The following PPFIA4 variants were observed in gnomAD, a reference collection of about 807,000 sequenced individuals.
The protein encoded by PPFIA4 is PPFI scaffold protein A4, also known as liprin-alpha-4.
PPFIA4 carries 98 observed loss-of-function variants against 145.7 expected under a neutral mutation model. The observed-to-expected ratio is 0.67, with a 90% confidence interval of 0.57 to 0.80. The LOEUF is 0.80. Ranked by LOEUF, PPFIA4 falls within the 30% of genes least tolerant of loss-of-function variation. PPFIA4 has a pLI of 0.00. For synonymous variants in PPFIA4, 628 were observed against 649.6 expected, an observed-to-expected ratio of 0.97 and a Z score of 0.51; for missense variants, 1,457 against 1,632.7, an observed-to-expected ratio of 0.89 and a Z score of 1.85.
At chr1:203,062,479 C>CA (rs34987795) in intron 24 of PPFIA4, among the ~76,000 whole-genome samples, 3,387 of 35,382 alleles carry the variant, frequency 0.096, 672 homozygotes, top group Non-Finnish European at 0.14. Flanking sequence ...GACTCCGTCT[C>CA]AAAAAAAAAA....
In PPFIA4 at chr1:203,048,758, G is replaced by T; in HGVS notation, c.1356+44G>T. 1 of 1,590,530 alleles carries T rather than the reference G, an allele frequency of 6.3e-7. No individual in the cohort carries two copies. The highest frequency in any genetic ancestry group is 8.6e-7 in the Non-Finnish European group (1 of 1,168,312). On this transcript the variant is annotated intron_variant, in intron 11 of 29. Coordinates refer to ENST00000295706, the MANE Select transcript of PPFIA4 (RefSeq NM_001304331.2). The surrounding 1 kb of genome is among the most constrained non-coding windows in gnomAD (Gnocchi z 5.8). ...TTGGGATGCGAGAGGTTAGTGCTGG[G>T]TGTGGGGCGGGGGGAGGCGGGACTG...
intron 1 of PPFIA4, among the ~76,000 whole-genome samples, chr1:203,035,051 G>A (rs1018441156): frequency 6.6e-6 from 1 of 152,212 alleles, no homozygotes; most frequent in African/African-American, 2.4e-5. Context: ...TGGGCACATG[G>A]TAAATGTGAG....
Position 203,055,589 on chromosome 1 carries a change from C to T in PPFIA4, c.1987C>T (p.Pro663Ser). ...GGCCCTGTCCCTGGCCAGCGCGTCCCCACCACTCAGCGGCCGCTCCACACC... is the reference window on the plus strand; with the variant it reads ...GGCCCTGTCCCTGGCCAGCGCGTCCTCACCACTCAGCGGCCGCTCCACACC... ...LTALSLASASPPLSGRSTPKL... is the reference protein window; with the variant it reads ...LTALSLASASSPLSGRSTPKL... The change falls in exon 16 of 30, where the codon CCA (proline) becomes TCA (serine). Residue 663 changes from proline to serine, a missense_variant. Around this residue, in one of 3 missense-constraint regions of PPFIA4, gnomAD observed 848 missense variants for 1,046.7 expected, o/e 0.81. Transcript: ENST00000295706. This position sits in a 1 kb window ranked among gnomAD's most constrained non-coding sequence, Gnocchi z 4.8. 2 of 1,614,034 alleles carry T rather than the reference C, an allele frequency of 1.2e-6. No homozygotes were observed. Among genetic ancestry groups the T allele is most frequent in the Non-Finnish European group, 1.7e-6 (2 of 1,179,890 alleles).
intron 1 of PPFIA4, among the ~76,000 whole-genome samples, chr1:203,030,926 T>G (rs1658780768): frequency 1.3e-5 from 2 of 152,234 alleles, no homozygotes; most frequent in African/African-American, 4.8e-5. Context: ...AGATCCCTGA[T>G]GTACTTATGA....
At chr1:203,057,875 C>A (rs1318557968) in intron 19 of PPFIA4, among the ~76,000 whole-genome samples, 1 of 151,784 alleles carries the variant, frequency 6.6e-6, no homozygotes, top group African/African-American at 2.4e-5. Flanking sequence ...AGGGAGACAT[C>A]TGTGTGTGGA....
At chr1:203,057,025 CCTT>C in intron 19 of PPFIA4, 75 bp downstream of exon 19, 1 of 1,580,770 alleles carries the variant, frequency 6.3e-7, no homozygotes, top group Non-Finnish European at 8.6e-7. Context: ...CTTGGACTGG[CCTT>C]CTCTGCCTGC....
rs1329093073 is a variant in PPFIA4 at position 203,045,407 on chromosome 1, G to A, written c.706G>A (p.Glu236Lys). The A allele has an allele frequency of 6.2e-7, 1 of 1,608,524 alleles. No individual in the cohort carries two copies. Among genetic ancestry groups the A allele is most frequent in the Non-Finnish European group, 8.5e-7 (1 of 1,178,192 alleles). Residue 236 changes from glutamate to lysine, a missense_variant, in exon 7 of 30, where the codon GAG (glutamate) becomes AAG (lysine). By Grantham distance (56) the Glu-to-Lys change is moderately conservative. Coordinates refer to ENST00000295706, the MANE Select transcript of PPFIA4 (RefSeq NM_001304331.2). Reference protein sequence around the residue: ...GRVEELQELLEKQNFELSQAR... With the variant: ...GRVEELQELLKKQNFELSQAR... Reference sequence around the variant, plus strand: ...GGTAGAGGAGCTGCAGGAGCTCCTGGAGAAGCAGAACTTTGAGTTGAGCCA... The same window carrying A: ...GGTAGAGGAGCTGCAGGAGCTCCTGAAGAAGCAGAACTTTGAGTTGAGCCA...
chr1:203,042,289 G>C (rs150900649), intron 2 of PPFIA4, among the ~76,000 whole-genome samples: 1 of 152,178 alleles, frequency 6.6e-6, no homozygotes, highest in African/African-American at 2.4e-5. Context: ...TTGTCCTGAT[G>C]GGGGAGGGTG....
At chr1:203,029,727 C>G (rs1658682212) in intron 1 of PPFIA4, among the ~76,000 whole-genome samples, 1 of 152,178 alleles carries the variant, frequency 6.6e-6, no homozygotes. Context: ...GTGTTACATC[C>G]CTTTGGGGGC....
chr1:203,060,525 C>T lies in PPFIA4; in HGVS notation c.2784+108C>T, dbSNP rs1661288445. On this transcript the variant is annotated intron_variant, in intron 22 of 29. Transcript: ENST00000295706. This position sits in a 1 kb window ranked among gnomAD's most constrained non-coding sequence, Gnocchi z 4.8. ...ATGGCAGCATTGAGCCCTGCCCCTTCCTTCCCATCCTCACAAAGGGCTCTC... is the reference window on the plus strand; with the variant it reads ...ATGGCAGCATTGAGCCCTGCCCCTTTCTTCCCATCCTCACAAAGGGCTCTC... 16 of 1,130,924 alleles carry T rather than the reference C, an allele frequency of 1.4e-5. No individual in the cohort carries two copies. The highest frequency in any genetic ancestry group is 2.1e-5 in the Non-Finnish European group (16 of 777,194). The allele number at this position is 1,130,924 out of a possible 1,614,324, so 70.1% of individuals were successfully genotyped here.
At chr1:203,064,035 C>T (rs747594002) in intron 25 of PPFIA4, 32 bp downstream of exon 25, 1 of 1,596,872 alleles carries the variant, frequency 6.3e-7, no homozygotes, top group Non-Finnish European at 8.5e-7. Context: ...GGCCACCTCC[C>T]TCGTGGGGGC....
At position 203,038,972 on chromosome 1, in the gene PPFIA4, G is replaced by A; in HGVS notation, c.-37G>A. On this transcript the variant is annotated 5_prime_UTR_variant, in exon 2 of 30. Transcript: ENST00000295706. ...GTGCCAACCCTGTGAGTCCCTCCCT[G>A]TCCCCTGACGCTGAGAAGGCCCTGC... is the stretch of plus-strand genomic sequence containing the variant. 8.4e-7 allele frequency: 1 copy of A among 1,189,274 alleles called. No individual in the cohort carries two copies. The highest frequency in any genetic ancestry group is 1.2e-6 in the Non-Finnish European group (1 of 842,450). 73.7% of individuals were successfully genotyped at this position (1,189,274 alleles called of 1,614,324 possible). A position where few individuals can be genotyped will look rare whatever the true frequency, so the allele number is the denominator to read the frequency against.
rs189715380 is a variant in PPFIA4, at chr1:203,032,366, T to C, written c.-400+5737T>C. 5.0e-3 allele frequency among the ~76,000 whole-genome samples: 752 copies of C among 151,832 alleles called. 8 individuals carry two copies. Among genetic ancestry groups the C allele is most frequent in the African/African-American group, 0.018 (731 of 41,434 alleles). Reference sequence around the variant, plus strand: ...GGTGTGATGTCTATAATTTTGGGTATTTCAGAAGAGGAACTATTTGCGGAT... The same window carrying C: ...GGTGTGATGTCTATAATTTTGGGTACTTCAGAAGAGGAACTATTTGCGGAT... On this transcript the variant is annotated intron_variant, in intron 1 of 29. Transcript: ENST00000295706.
At chr1:203,035,103 C>A (rs1659131531) in intron 1 of PPFIA4, 2 of 350,182 alleles carry the variant, frequency 5.7e-6, no homozygotes, top group Non-Finnish European at 1.1e-5. Flanking sequence ...TTCTGGAAGA[C>A]CCCCGCCCTC....
intron 24 of PPFIA4, chr1:203,063,497 T>C (rs1382098920): frequency 1.5e-5 from 4 of 270,886 alleles, no homozygotes; most frequent in Non-Finnish European, 2.8e-5. Flanking sequence ...AAGGCACGTC[T>C]GCTGCACAAT....
chr1:203,059,308 C>T lies in PPFIA4; in HGVS notation c.2501+37C>T, dbSNP rs1331264521. On this transcript the variant is annotated intron_variant, in intron 20 of 29. Coordinates refer to ENST00000295706, the MANE Select transcript of PPFIA4 (RefSeq NM_001304331.2). ...AGGCCAGGGTCTGCCAGGGTGGGGC[C>T]CAGCCCCCTACCCACTTCCCTTCCC... 2.1e-6 allele frequency: 3 copies of T among 1,438,694 alleles called. No individual in the cohort carries two copies. In the South Asian group the frequency reaches 3.7e-5, roughly 18 times the overall value. 89.1% of individuals were successfully genotyped at this position (1,438,694 alleles called of 1,614,324 possible).
Position 203,043,576 on chromosome 1 carries a change from C to A in PPFIA4, c.336+78C>A. The A allele has an allele frequency of 7.4e-7, 1 of 1,351,312 alleles. No homozygotes were observed. Among genetic ancestry groups the A allele is most frequent in the Non-Finnish European group, 1.0e-6 (1 of 967,976 alleles). The allele number at this position is 1,351,312 out of a possible 1,614,324, so 83.7% of individuals were successfully genotyped here. The stretch of plus-strand genomic sequence containing the variant: ...TGGGGGTGTGTTGTGAACACCTTGA[C>A]CAAGAGAGCAGGCAAGAGTGGGGCC... On this transcript the variant is annotated intron_variant, in intron 3 of 29. Coordinates refer to ENST00000295706, the MANE Select transcript of PPFIA4 (RefSeq NM_001304331.2). The surrounding 1 kb of genome is among the most constrained non-coding windows in gnomAD (Gnocchi z 4.4).
rs1661879271 is a variant in PPFIA4 at position 203,068,355 on chromosome 1, C to T, written c.3149-98C>T. The T allele has an allele frequency of 4.6e-6, 5 of 1,076,460 alleles. No individual in the cohort carries two copies. The highest frequency in any genetic ancestry group is 5.2e-6 in the Non-Finnish European group (4 of 768,982). 66.7% of individuals were successfully genotyped at this position (1,076,460 alleles called of 1,614,324 possible). On this transcript the variant is annotated intron_variant, in intron 26 of 29. Coordinates refer to ENST00000295706, the MANE Select transcript of PPFIA4 (RefSeq NM_001304331.2). This position sits in a 1 kb window ranked among gnomAD's most constrained non-coding sequence, Gnocchi z 4.7. ...AGTGGGGGTCAGAGAGCAGGGTGGA[C>T]TGCGGCTCTGGGTTTAGGGAGCTCT...
rs767826458 is a variant in PPFIA4 at position 203,060,393 on chromosome 1, C to T, written c.2760C>T (p.Pro920=). ...AGGAGATGGTGTCATTGACCAGCCC[C>T]TCTGCCCCACCCACCTCCAGGACTG... is the stretch of plus-strand genomic sequence containing the variant. The part of the protein sequence containing the change: ...AIQEMVSLTS[P]SAPPTSRTSS... The change falls in exon 22 of 30, where the codon CCC becomes CCT. Residue 920 remains proline, a synonymous_variant. Coordinates refer to ENST00000295706, the MANE Select transcript of PPFIA4 (RefSeq NM_001304331.2). The surrounding 1 kb of genome is among the most constrained non-coding windows in gnomAD (Gnocchi z 4.8). The T allele has an allele frequency of 4.5e-5, 72 of 1,613,616 alleles. No homozygotes were observed. Among genetic ancestry groups the T allele is most frequent in the Non-Finnish European group, 4.6e-5 (54 of 1,179,912 alleles).
Sources: allele counts gnomAD v4.1 joint callset (sites outside exome capture counted in the v4.1 genomes callset), GRCh38; gene constraint gnomAD v4.1.1; regional missense constraint gnomAD v4.1.1; non-coding constraint Gnocchi (gnomAD v3.1); transcripts MANE v1.5; gene names NCBI Gene and HGNC (gene_info 2026-07-23, HGNC 2026-07-21).